The following DNM2 variants were observed in gnomAD, a reference collection of about 807,000 sequenced individuals.
DNM2 encodes dynamin 2.
DNM2 carries 15 observed loss-of-function variants against 99.0 expected under a neutral mutation model. The ratio of observed to expected loss-of-function variants is 0.15; its 90% CI spans 0.10 to 0.23. The LOEUF (loss-of-function observed/expected upper bound fraction) is 0.23. DNM2 is among the 10% of genes least tolerant of loss of function. The pLI is 1.00. For missense variants in DNM2, 742 were observed against 1,189.4 expected (o/e 0.62, Z 5.53); for synonymous variants, 525 against 481.2 (o/e 1.09, Z -1.19).
chr19:10,722,955 A>G (rs554362316), intron 1 of DNM2, among the ~76,000 whole-genome samples: 102 of 150,718 alleles, frequency 6.8e-4, no homozygotes, highest in Non-Finnish European at 1.3e-3. Context: ...AAGTTATAAT[A>G]GCACTTCTTT....
intron 5 of DNM2, chr19:10,781,943 A>G (rs1034401293): frequency 6.6e-6 from 1 of 152,126 alleles, no homozygotes; most frequent in Non-Finnish European, 1.5e-5. Flanking sequence ...CTCTCTGGAC[A>G]TGAATACCCT....
Position 10,812,711 on chromosome 19 carries a change from C to T in DNM2, c.1671+334C>T, listed in dbSNP as rs368170667. ...CTGAGGCAGGAGAATCGTTTGAACCCGGGAGGCGGAGGTTGCAGTGAGCCG... is the reference window on the plus strand; with the variant it reads ...CTGAGGCAGGAGAATCGTTTGAACCTGGGAGGCGGAGGTTGCAGTGAGCCG... On this transcript the variant is annotated intron_variant, in intron 15 of 20. Coordinates refer to ENST00000389253, the MANE Select transcript of DNM2 (RefSeq NM_001005361.3). The surrounding 1 kb of genome is among the most constrained non-coding windows in gnomAD (Gnocchi z 4.0). 1.4e-4 allele frequency among the ~76,000 whole-genome samples: 21 copies of T among 152,078 alleles called. No individual in the cohort carries two copies. In the East Asian group the frequency reaches 1.6e-3, roughly 11 times the overall value.
In DNM2 at chr19:10,746,726, TG is replaced by T. The variant is rs1279595208; in HGVS notation, c.162-13011del. Among the ~76,000 whole-genome samples the T allele has an allele frequency of 4.3e-4, 35 of 81,554 alleles. 1 individual carries two copies. The highest frequency in any genetic ancestry group is 1.5e-3 in the East Asian group (2 of 1,322). 53.5% of individuals were successfully genotyped at this position (81,554 alleles called of 152,430 possible). On this transcript the variant is annotated intron_variant, in intron 1 of 20. Coordinates refer to ENST00000389253, the MANE Select transcript of DNM2 (RefSeq NM_001005361.3). ...TGAGCAACCGTGCCGGCTTTTTTTT[TG>T]TTTTTTGTTTTTTTTTTTTTTGAGA...
intron 7 of DNM2, among the ~76,000 whole-genome samples, chr19:10,789,359 C>T (rs545719222): frequency 3.3e-5 from 5 of 152,052 alleles, no homozygotes; most frequent in Non-Finnish European, 7.4e-5. Flanking sequence ...TTTTCTGCAC[C>T]TCTAAAGTGA....
intron 1 of DNM2, among the ~76,000 whole-genome samples, chr19:10,723,090 C>T (rs949421959): frequency 1.3e-5 from 2 of 150,740 alleles, no homozygotes; most frequent in Non-Finnish European, 3.0e-5. Flanking sequence ...CTCAGCCTCC[C>T]GAGTAGCTGG....
intron 12 of DNM2, 119 bp from the exon 13 acceptor site, chr19:10,805,797 C>G: frequency 7.8e-7 from 1 of 1,285,066 alleles, no homozygotes; most frequent in Non-Finnish European, 1.1e-6. Flanking sequence ...GGGCTTCTCT[C>G]TGCCTCTACC....
At chr19:10,778,933 G>A (rs557328055) in intron 5 of DNM2, among the ~76,000 whole-genome samples, 6 of 151,798 alleles carry the variant, frequency 4.0e-5, no homozygotes, top group South Asian at 4.2e-4. Flanking sequence ...TAAATATTTT[G>A]GGTCGGGCAT....
chr19:10,776,879 A>G (rs1374942071), intron 4 of DNM2, among the ~76,000 whole-genome samples: 1 of 152,190 alleles, frequency 6.6e-6, no homozygotes, highest in Admixed American at 6.6e-5. Flanking sequence ...AACGGCCAGC[A>G]TTTGTTGAGT....
At chr19:10,735,922 T>C (rs1048767415) in intron 1 of DNM2, among the ~76,000 whole-genome samples, 26 of 152,158 alleles carry the variant, frequency 1.7e-4, no homozygotes, top group Admixed American at 1.7e-3. Context: ...TTCTGTGACG[T>C]TGATGTATGG....
chr19:10,729,146 CAG>C (rs1209449605), intron 1 of DNM2, among the ~76,000 whole-genome samples: 14 of 85,286 alleles, frequency 1.6e-4, no homozygotes, highest in Admixed American at 7.5e-4. Context: ...GCCTGGGCGA[CAG>C]AGCGAGACTC....
At position 10,820,976 on chromosome 19, in the gene DNM2, C is replaced by T. The variant is rs376923875; in HGVS notation, c.1781+887C>T. Among the ~76,000 whole-genome samples the T allele has an allele frequency of 1.8e-4, 27 of 152,288 alleles. No homozygotes were observed. In the South Asian group the frequency reaches 2.9e-3, roughly 16 times the overall value. On this transcript the variant is annotated intron_variant, in intron 16 of 20. Coordinates refer to ENST00000389253, the MANE Select transcript of DNM2 (RefSeq NM_001005361.3). The surrounding 1 kb of genome is among the most constrained non-coding windows in gnomAD (Gnocchi z 4.3). ...GGCTCTTCCCATGCTCACACAATCA[C>T]GCTCATCCAGGAAGCAGGGCCCACC...
intron 7 of DNM2, among the ~76,000 whole-genome samples, chr19:10,787,478 G>T (rs2071601855): frequency 6.8e-6 from 1 of 146,700 alleles, no homozygotes; most frequent in African/African-American, 2.5e-5. Flanking sequence ...TTAAAAAAAA[G>T]AAAAAAGGCC....
Position 10,796,246 on chromosome 19 carries a change from G to T in DNM2, c.1196+807G>T, listed in dbSNP as rs750003938. ...GACTCCTGACCTTGTGGAAACGGGG[G>T]TACGGGGGTTTGGTATCAGGCTCCC... On this transcript the variant is annotated intron_variant, in intron 9 of 20. Coordinates refer to ENST00000389253, the MANE Select transcript of DNM2 (RefSeq NM_001005361.3). The surrounding 1 kb of genome is among the most constrained non-coding windows in gnomAD (Gnocchi z 5.6). The T allele has an allele frequency of 9.9e-6, 16 of 1,612,978 alleles. 2 individuals are homozygous for T. The Middle Eastern group carries it at 5.5e-4, about 56-fold the overall frequency.
At chr19:10,732,826 T>C (rs1396844461) in intron 1 of DNM2, among the ~76,000 whole-genome samples, 1 of 151,948 alleles carries the variant, frequency 6.6e-6, no homozygotes, top group Non-Finnish European at 1.5e-5. Context: ...AATGTGACTG[T>C]CTTGCACCAG....
Position 10,772,760 on chromosome 19 carries a change from A to G in DNM2, c.385+132A>G, listed in dbSNP as rs572803790. On this transcript the variant is annotated intron_variant, in intron 3 of 20. Coordinates refer to ENST00000389253, the MANE Select transcript of DNM2 (RefSeq NM_001005361.3). This position sits in a 1 kb window ranked among gnomAD's most constrained non-coding sequence, Gnocchi z 4.9. ...ACAAACAGTTGATATTCACACACAC[A>G]TAGCCCCTTGATCTGTATCTTCCCA... 1.8e-4 allele frequency: 240 copies of G among 1,362,668 alleles called. No homozygotes were observed. The highest frequency in any genetic ancestry group is 1.7e-3 in the African/African-American group (120 of 69,506). 84.4% of individuals were successfully genotyped at this position (1,362,668 alleles called of 1,614,324 possible).
chr19:10,745,403 C>T (rs1229699551), intron 1 of DNM2, among the ~76,000 whole-genome samples: 1 of 152,164 alleles, frequency 6.6e-6, no homozygotes, highest in African/African-American at 2.4e-5. Context: ...AGACCCCTGC[C>T]CTCAAGGTGT....
intron 1 of DNM2, among the ~76,000 whole-genome samples, chr19:10,731,394 C>T (rs1356978276): frequency 6.6e-6 from 1 of 150,490 alleles, no homozygotes; most frequent in African/African-American, 2.4e-5. Flanking sequence ...CACAGTGTCG[C>T]CCGGGCTGGA....
intron 2 of DNM2, among the ~76,000 whole-genome samples, chr19:10,761,384 T>G (rs912448166): frequency 2.0e-5 from 3 of 152,112 alleles, no homozygotes; most frequent in Admixed American, 2.0e-4. Flanking sequence ...TTTCCTTCCC[T>G]GATCTCAGTG....
intron 10 of DNM2, among the ~76,000 whole-genome samples, chr19:10,798,084 C>T (rs573429964): frequency 1.1e-4 from 17 of 152,260 alleles, no homozygotes; most frequent in African/African-American, 4.1e-4. Flanking sequence ...GGCCCAGATA[C>T]CCGCCTTACC....
Sources: allele counts gnomAD v4.1 joint callset (sites outside exome capture counted in the v4.1 genomes callset), GRCh38; gene constraint gnomAD v4.1.1; non-coding constraint Gnocchi (gnomAD v3.1); transcripts MANE v1.5; gene names NCBI Gene and HGNC (gene_info 2026-07-23, HGNC 2026-07-21).